RGS6: variants seen among roughly 807,000 people sequenced by gnomAD.
The protein encoded by RGS6 is regulator of G protein signaling 6.
RGS6 carries 30 observed loss-of-function variants against 78.5 expected under a neutral mutation model. The ratio of observed to expected loss-of-function variants is 0.38; its 90% CI spans 0.29 to 0.52. The LOEUF (loss-of-function observed/expected upper bound fraction) is 0.52. RGS6 is among the 20% of genes least tolerant of loss of function. The probability of loss-of-function intolerance (pLI) is 0.85; values close to 1 mark genes in which losing one functional copy is unlikely to be tolerated. For synonymous variants in RGS6, 206 were observed against 206.0 expected, an observed-to-expected ratio of 1.00 and a Z score of 0.00; for missense variants, 495 against 609.7, an observed-to-expected ratio of 0.81 and a Z score of 1.98.
Position 72,331,041 on chromosome 14 carries a change from T to G in RGS6, c.85-21054T>G, listed in dbSNP as rs116659152. Among the ~76,000 whole-genome samples the G allele has an allele frequency of 3.6e-3, 555 of 152,228 alleles. 2 individuals are homozygous for G. The highest frequency in any genetic ancestry group is 0.013 in the African/African-American group (524 of 41,538). ...CAGAGAGGGCTTTCGGCCGAGTCCC[T>G]CTGGAGGATCAGTCTGTAGAGGGAT... On this transcript the variant is annotated intron_variant, in intron 2 of 17. Coordinates refer to ENST00000553525, the MANE Select transcript of RGS6 (RefSeq NM_001204424.2).
chr14:71,990,605 A>G (rs977055345), intron 2 of RGS6: 4 of 455,872 alleles, frequency 8.8e-6, no homozygotes, highest in Middle Eastern at 3.2e-4. Flanking sequence ...GTTTTACCCC[A>G]ATCTCTGCAT....
At chr14:72,173,387 C>A (rs1421255504) in intron 2 of RGS6, among the ~76,000 whole-genome samples, 2 of 152,152 alleles carry the variant, frequency 1.3e-5, no homozygotes, top group South Asian at 4.1e-4. Context: ...AAACTCAACT[C>A]CCTTTCTGCA....
chr14:72,184,407 CACACAG>C (rs1382528004), intron 2 of RGS6, among the ~76,000 whole-genome samples: 1 of 144,992 alleles, frequency 6.9e-6, no homozygotes, highest in East Asian at 2.0e-4. Flanking sequence ...CACACACACA[CACACAG>C]AAAGAGGGAG....
chr14:72,326,724 A>G (rs1370645626), intron 2 of RGS6, among the ~76,000 whole-genome samples: 1 of 152,060 alleles, frequency 6.6e-6, no homozygotes. Context: ...TTCTTTTGAG[A>G]TGGAGTCTCG....
chr14:72,215,778 G>T (rs2045416276), intron 2 of RGS6, among the ~76,000 whole-genome samples: 1 of 152,206 alleles, frequency 6.6e-6, no homozygotes, highest in African/African-American at 2.4e-5. Flanking sequence ...GCATGCCAGG[G>T]CAAATATTTA....
the RGS6 span, among the ~76,000 whole-genome samples, chr14:71,869,386 T>G: frequency 6.6e-6 from 1 of 152,202 alleles, no homozygotes; most frequent in Non-Finnish European, 1.5e-5. Flanking sequence ...CCAATGTGAC[T>G]ACCATGACTG....
At chr14:72,050,459 G>A (rs1278549359) in intron 2 of RGS6, among the ~76,000 whole-genome samples, 4 of 152,170 alleles carry the variant, frequency 2.6e-5, no homozygotes, top group Non-Finnish European at 5.9e-5. Flanking sequence ...AATGTAAGGG[G>A]GGGATTGAGG....
chr14:71,941,711 G>A (rs533663021), intron 1 of RGS6, among the ~76,000 whole-genome samples: 1 of 152,264 alleles, frequency 6.6e-6, no homozygotes, highest in East Asian at 1.9e-4. Flanking sequence ...TATATTCGCT[G>A]GAAGCTGATT....
At chr14:72,319,126 A>G (rs763985314) in intron 2 of RGS6, among the ~76,000 whole-genome samples, 6 of 152,214 alleles carry the variant, frequency 3.9e-5, no homozygotes, top group African/African-American at 1.4e-4. Context: ...CAAAGATATT[A>G]TAATATAAAA....
intron 2 of RGS6, among the ~76,000 whole-genome samples, chr14:72,188,031 T>C (rs1304369657): frequency 6.6e-6 from 1 of 150,566 alleles, no homozygotes; most frequent in Non-Finnish European, 1.5e-5. Flanking sequence ...TTTTTCTGCT[T>C]TTTTTTTTGG....
At chr14:72,036,720 G>A (rs537149653) in intron 2 of RGS6, among the ~76,000 whole-genome samples, 4 of 152,100 alleles carry the variant, frequency 2.6e-5, no homozygotes, top group East Asian at 1.9e-4. Context: ...TATTCTGAGT[G>A]CAAGTATTTT....
intron 2 of RGS6, among the ~76,000 whole-genome samples, chr14:71,982,685 G>T (rs1393064231): frequency 6.6e-6 from 1 of 152,202 alleles, no homozygotes; most frequent in Non-Finnish European, 1.5e-5. Flanking sequence ...TTTTGTTTAA[G>T]AAATTGACAA....
chr14:72,624,684 T>C, the RGS6 span, among the ~76,000 whole-genome samples: 1 of 152,218 alleles, frequency 6.6e-6, no homozygotes, highest in Non-Finnish European at 1.5e-5. Flanking sequence ...AGATCCCTCA[T>C]TGCATTTAAT....
intron 3 of RGS6, among the ~76,000 whole-genome samples, chr14:72,437,609 T>C: frequency 6.6e-6 from 1 of 152,236 alleles, no homozygotes; most frequent in Non-Finnish European, 1.5e-5. Flanking sequence ...ATGAGTTTTA[T>C]ATTTACACCA....
chr14:72,407,713 C>T (rs996104257), intron 3 of RGS6, among the ~76,000 whole-genome samples: 92 of 152,364 alleles, frequency 6.0e-4, no homozygotes, highest in African/African-American at 2.0e-3. Flanking sequence ...CTCTCTAGTG[C>T]AATGACATTA....
At chr14:71,985,088 G>A (rs1566962604) in intron 2 of RGS6, among the ~76,000 whole-genome samples, 1 of 152,042 alleles carries the variant, frequency 6.6e-6, no homozygotes, top group Non-Finnish European at 1.5e-5. Flanking sequence ...ACTAATCTGT[G>A]CCATAATATG....
At position 72,559,733 on chromosome 14, in the gene RGS6, G is replaced by A. The variant is rs142707323; in HGVS notation, c.1423-2684G>A. The stretch of plus-strand genomic sequence containing the variant: ...GGAAATAAAAGCAGTCGGGGGAAGC[G>A]AGGAGCGGGCAGTGACAGGCTGGCC... On this transcript the variant is annotated intron_variant, in intron 17 of 17. Transcript: ENST00000553525. Among the ~76,000 whole-genome samples, 323 of 152,292 alleles carry A rather than the reference G, an allele frequency of 2.1e-3. 1 individual carries two copies. The highest frequency in any genetic ancestry group is 7.5e-3 in the African/African-American group (313 of 41,556).
the RGS6 span, among the ~76,000 whole-genome samples, chr14:71,875,724 G>T: frequency 3.5e-3 from 533 of 151,550 alleles, 2 homozygotes; most frequent in Non-Finnish European, 5.7e-3. Context: ...CTAGTTCTTT[G>T]AATTGTGATG....
intron 2 of RGS6, among the ~76,000 whole-genome samples, chr14:72,033,509 A>C (rs886218465): frequency 4.6e-5 from 7 of 152,150 alleles, no homozygotes; most frequent in African/African-American, 1.7e-4. Context: ...TGCTGGGATT[A>C]CAGGCATGAG....
Sources: gnomAD v4.1 joint callset for allele counts (sites outside exome capture counted in the v4.1 genomes callset) on GRCh38, gnomAD v4.1.1 for gene constraint, MANE v1.5 for transcripts, NCBI Gene and HGNC (gene_info 2026-07-23, HGNC 2026-07-21) for gene names.